PCBP3: variants seen among roughly 807,000 people sequenced by gnomAD.
PCBP3 encodes poly(rC) binding protein 3, also known as poly(rC)-binding protein 3.
In PCBP3, 25 loss-of-function variants were observed where a neutral mutation model predicts 52.7. The ratio of observed to expected loss-of-function variants is 0.47; its 90% CI spans 0.35 to 0.66. PCBP3 has a LOEUF of 0.66. Among genes scored for constraint, PCBP3 ranks in the 30% least tolerant of loss-of-function variants. PCBP3 has a pLI of 0.01. For synonymous variants in PCBP3, 162 were observed against 183.0 expected, an observed-to-expected ratio of 0.89 and a Z score of 0.93; for missense variants, 391 against 490.3, an observed-to-expected ratio of 0.80 and a Z score of 1.91.
At chr21:45,899,478 C>G in intron 6 of PCBP3, 121 bp from the exon 7 acceptor site, 1 of 711,960 alleles carries the variant, frequency 1.4e-6, no homozygotes. Context: ...TCATGCACAC[C>G]GGGAAGGTCC....
Position 45,810,245 on chromosome 21 carries a change from TGAGA to T in PCBP3, c.-125-39712_-125-39709del, listed in dbSNP as rs775748895. On this transcript the variant is annotated intron_variant, in intron 4 of 17. Coordinates refer to ENST00000681687, the MANE Select transcript of PCBP3 (RefSeq NM_001384156.1). The stretch of plus-strand genomic sequence containing the variant: ...GTGTGTGTGTGTGTGTGTGTGTGTG[TGAGA>T]GAGTGTGTGTGACAGAGTCTCGCTC... 8.0e-5 allele frequency among the ~76,000 whole-genome samples: 12 copies of T among 149,716 alleles called. No homozygotes were observed. In the South Asian group the frequency reaches 1.1e-3, roughly 13 times the overall value.
intron 12 of PCBP3, chr21:45,916,241 C>A (rs570335968): frequency 6.6e-6 from 1 of 152,248 alleles, no homozygotes; most frequent in African/African-American, 2.4e-5. Context: ...GCTGAGGGGG[C>A]GGCTCCCAGC....
intron 4 of PCBP3, among the ~76,000 whole-genome samples, chr21:45,775,636 C>T (rs1273306900): frequency 6.6e-6 from 1 of 152,158 alleles, no homozygotes; most frequent in African/African-American, 2.4e-5. Context: ...CCAGACTGGT[C>T]TTGAACTCCT....
At chr21:45,706,117 A>T (rs566289750) in intron 2 of PCBP3, among the ~76,000 whole-genome samples, 18 of 152,294 alleles carry the variant, frequency 1.2e-4, no homozygotes, top group Admixed American at 2.0e-4. Context: ...CAGTACATCA[A>T]AGGTAATGAA....
chr21:45,790,710 T>G (rs953994657), intron 4 of PCBP3, among the ~76,000 whole-genome samples: 2 of 151,724 alleles, frequency 1.3e-5, no homozygotes, highest in African/African-American at 2.4e-5. Context: ...AGAGGAGAGA[T>G]AGTCTCAATC....
rs554505796 is a variant in PCBP3, at chr21:45,704,469, G to A, written c.-199-30923G>A. On this transcript the variant is annotated intron_variant, in intron 2 of 17. Coordinates refer to ENST00000681687, the MANE Select transcript of PCBP3 (RefSeq NM_001384156.1). The surrounding 1 kb of genome is among the most constrained non-coding windows in gnomAD (Gnocchi z 4.1). Reference sequence around the variant, plus strand: ...CAGCTGCAGACTGGGAGGCCGCAGCGTCTGCCCCCATTTTCCTGCTCTCCC... The same window carrying A: ...CAGCTGCAGACTGGGAGGCCGCAGCATCTGCCCCCATTTTCCTGCTCTCCC... Among the ~76,000 whole-genome samples the A allele has an allele frequency of 3.9e-5, 6 of 152,278 alleles. No homozygotes were observed. Among genetic ancestry groups the A allele is most frequent in the Admixed American group, 6.5e-5 (1 of 15,304 alleles).
chr21:45,875,145 G>GGGGCCCCTCCATGTTGC (rs2095206059), intron 5 of PCBP3, among the ~76,000 whole-genome samples: 1 of 152,216 alleles, frequency 6.6e-6, no homozygotes, highest in African/African-American at 2.4e-5. Flanking sequence ...AGACAGGCTG[G>GGGGCCCCTCCATGTTGC]GGGCCCCTCC....
chr21:45,835,030 C>T (rs1350411892), intron 4 of PCBP3, among the ~76,000 whole-genome samples: 4 of 152,226 alleles, frequency 2.6e-5, no homozygotes, highest in Admixed American at 6.5e-5. Flanking sequence ...GGCCGGTTCG[C>T]GAACGCCGCA....
intron 4 of PCBP3, among the ~76,000 whole-genome samples, chr21:45,844,226 A>AT: frequency 6.6e-6 from 1 of 151,552 alleles, no homozygotes; most frequent in South Asian, 2.1e-4. Flanking sequence ...GACCCACTGC[A>AT]TTAGGAAATG....
intron 9 of PCBP3, among the ~76,000 whole-genome samples, chr21:45,903,750 G>A (rs530603287): frequency 6.6e-6 from 1 of 152,226 alleles, no homozygotes; most frequent in South Asian, 2.1e-4. Context: ...CAGAGGTCTT[G>A]TCAGGACATC....
At chr21:45,811,658 G>T (rs1176561053) in intron 4 of PCBP3, among the ~76,000 whole-genome samples, 1 of 152,174 alleles carries the variant, frequency 6.6e-6, no homozygotes, top group Non-Finnish European at 1.5e-5. Context: ...CACCAGCTTT[G>T]TCTGGTATTG....
At chr21:45,659,673 A>T (rs2080259039) in intron 1 of PCBP3, among the ~76,000 whole-genome samples, 1 of 151,770 alleles carries the variant, frequency 6.6e-6, no homozygotes, top group African/African-American at 2.4e-5. Context: ...ATCTCAAAGT[A>T]TTTTCTAATT....
chr21:45,664,722 C>T (rs897378424), intron 1 of PCBP3, among the ~76,000 whole-genome samples: 1 of 149,398 alleles, frequency 6.7e-6, no homozygotes, highest in Non-Finnish European at 1.5e-5. Flanking sequence ...CCCACTAACT[C>T]GTCATCTAGC....
chr21:45,716,329 GGA>G (rs1424072861), intron 2 of PCBP3, among the ~76,000 whole-genome samples: 2 of 152,088 alleles, frequency 1.3e-5, no homozygotes, highest in African/African-American at 4.8e-5. Context: ...ATATGGGGAG[GGA>G]GAGAGAATAT....
chr21:45,711,799 A>T (rs566054520), intron 2 of PCBP3, among the ~76,000 whole-genome samples: 1 of 152,234 alleles, frequency 6.6e-6, no homozygotes, highest in African/African-American at 2.4e-5. Flanking sequence ...AATAAAGTAC[A>T]TACATTAAGG....
rs2093138469 is a variant in PCBP3, at chr21:45,821,536, T to C, written c.-125-28425T>C. Among the ~76,000 whole-genome samples, 1 of 150,000 alleles carries C rather than the reference T, an allele frequency of 6.7e-6. No individual in the cohort carries two copies. Among genetic ancestry groups the C allele is most frequent in the South Asian group, 2.1e-4 (1 of 4,670 alleles). On this transcript the variant is annotated intron_variant, in intron 4 of 17. Transcript: ENST00000681687. This position sits in a 1 kb window ranked among gnomAD's most constrained non-coding sequence, Gnocchi z 4.4. ...CCCCTAACTCATTTCTAGAATACTC[T>C]TCCCTGCCTGCACCCTGCTGTGGGC...
chr21:45,731,626 G>A (rs185825547), intron 2 of PCBP3, among the ~76,000 whole-genome samples: 3 of 152,316 alleles, frequency 2.0e-5, no homozygotes, highest in Non-Finnish European at 4.4e-5. Context: ...ACTTTTTACA[G>A]TATATGCCTG....
chr21:45,685,155 A>G (rs75404139), intron 2 of PCBP3, among the ~76,000 whole-genome samples: 4,028 of 152,318 alleles, frequency 0.026, 65 homozygotes, highest in Non-Finnish European at 0.04. Context: ...AAGGACAAAT[A>G]ATATATGATT....
intron 2 of PCBP3, among the ~76,000 whole-genome samples, chr21:45,711,359 A>C (rs1479836582): frequency 6.6e-6 from 1 of 152,182 alleles, no homozygotes; most frequent in East Asian, 1.9e-4. Flanking sequence ...ATATGTAATC[A>C]TCTGTACATT....
Sources: allele counts gnomAD v4.1 joint callset (sites outside exome capture counted in the v4.1 genomes callset), GRCh38; gene constraint gnomAD v4.1.1; non-coding constraint Gnocchi (gnomAD v3.1); transcripts MANE v1.5; gene names NCBI Gene and HGNC (gene_info 2026-07-23, HGNC 2026-07-21).